Variants in SLC25A2 observed in about 807,000 individuals in gnomAD.
The protein encoded by SLC25A2 is solute carrier family 25 member 2, also known as mitochondrial ornithine transporter 2.
In SLC25A2, 6 loss-of-function variants were observed where a neutral mutation model predicts 7.4. The ratio of observed to expected loss-of-function variants is 0.82; its 90% CI spans 0.45 to 1.61. The LOEUF is 1.61. Among genes scored for constraint, SLC25A2 ranks in the 40% most tolerant of loss-of-function variants. The pLI is 0.01. For missense variants in SLC25A2, 356 were observed against 377.3 expected, an observed-to-expected ratio of 0.94 and a Z score of 0.47; for synonymous variants, 158 against 153.4, an observed-to-expected ratio of 1.03 and a Z score of -0.22.
In SLC25A2 at chr5:141,303,266, T is replaced by G. The variant is rs782459598; in HGVS notation, c.600A>C (p.Ser200=). The change falls in exon 1 of 1, where the codon TCA becomes TCC. Residue 200 remains serine (S), a synonymous_variant. Coordinates refer to ENST00000239451, the MANE Select transcript of SLC25A2 (RefSeq NM_031947.4). The part of the protein sequence containing the change: ...GYELSRSFFA[S]GRSKDELGPV... ...GGCCTAGTTCATCTTTTGATCTCCC[T>G]GACGCAAAAAACGATCGGCTCAGTT... 2.0e-5 allele frequency: 33 copies of G among 1,613,948 alleles called. No homozygotes were observed. The highest frequency in any genetic ancestry group is 2.6e-5 in the Non-Finnish European group (31 of 1,179,994).
In SLC25A2 at chr5:141,303,616, A is replaced by T. The variant is rs1391037968; in HGVS notation, c.250T>A (p.Cys84Ser). ...ACAAACTGCTGGCAGAACCCGTAGC[A>T]CATGAAGAGGACCGAGTTTTCGGCG... ...YVAENSVLFM[C>S]YGFCQQFVRK... Residue 84 changes from cysteine (C) to serine (S), a missense_variant, in exon 1 of 1, where the codon TGC becomes AGC. Transcript: ENST00000239451. The T allele has an allele frequency of 1.2e-6, 2 of 1,614,098 alleles. No homozygotes were observed. The highest frequency in any genetic ancestry group is 1.7e-6 in the Non-Finnish European group (2 of 1,180,048).
chr5:141,303,443 C>G lies in SLC25A2; in HGVS notation c.423G>C (p.Glu141Asp), dbSNP rs1588428343. 2 of 1,614,248 alleles carry G rather than the reference C, an allele frequency of 1.2e-6. No individual in the cohort carries two copies. Among genetic ancestry groups the G allele is most frequent in the Non-Finnish European group, 1.7e-6 (2 of 1,180,052 alleles). ...KCRLQTMYEM[E>D]MSGKIAKSHN... Reference sequence around the variant, plus strand: ...GGCTTTTTGCTATCTTCCCTGACATCTCCATTTCATACATGGTCTGTAGCC... The same window carrying G: ...GGCTTTTTGCTATCTTCCCTGACATGTCCATTTCATACATGGTCTGTAGCC... Residue 141 changes from glutamate (E) to aspartate (D), a missense_variant, in exon 1 of 1, where the codon GAG (glutamate) becomes GAC (aspartate). Glu to Asp is a conservative substitution (Grantham distance 45). Coordinates refer to ENST00000239451, the MANE Select transcript of SLC25A2 (RefSeq NM_031947.4).
At position 141,303,356 on chromosome 5, in the gene SLC25A2, G is replaced by GT; in HGVS notation, c.509dup (p.Tyr170Ter). Reference protein sequence around the residue: ...ILKKDGPLGFYHGLSSTLLQE... With the variant: ...ILKKDGPLGF ...GAAGTAGAGTACTCGAGAGTCCATG[G>GT]TAGAAGCCCAAGGGGCCATCCTTTT... The change falls in exon 1 of 1, where the codon TAC (tyrosine) becomes TAAC (stop). Residue 170 changes from tyrosine to a stop codon, truncating the protein, a stop_gained and frameshift_variant. Coordinates refer to ENST00000239451, the MANE Select transcript of SLC25A2 (RefSeq NM_031947.4). LOFTEE classifies it high-confidence loss of function. 6.2e-7 allele frequency: 1 copy of GT among 1,614,178 alleles called. No individual in the cohort carries two copies. Among genetic ancestry groups the GT allele is most frequent in the Admixed American group, 1.7e-5 (1 of 60,026 alleles).
chr5:141,302,943 A>G lies in SLC25A2; in HGVS notation c.*17T>C. The G allele has an allele frequency of 6.2e-7, 1 of 1,602,468 alleles. No individual in the cohort carries two copies. The highest frequency in any genetic ancestry group is 8.5e-7 in the Non-Finnish European group (1 of 1,174,348). On this transcript the variant is annotated 3_prime_UTR_variant, in exon 1 of 1. Transcript: ENST00000239451. ...TCCTCAAACTCATGGACTCGGATCC[A>G]GGTTCACCAAGACACTTCAGTATGC...
rs782111805 is a variant in SLC25A2 at position 141,303,899 on chromosome 5, G to A, written c.-34C>T. On this transcript the variant is annotated 5_prime_UTR_variant, in exon 1 of 1. Coordinates refer to ENST00000239451, the MANE Select transcript of SLC25A2 (RefSeq NM_031947.4). ...ACTCGTCTGAGGGTCCCAGTGGAAG[G>A]CGACTAACTCCCCAGAGCGTGAGAC... The A allele has an allele frequency of 1.3e-6, 2 of 1,595,818 alleles. No individual in the cohort carries two copies. Among genetic ancestry groups the A allele is most frequent in the Admixed American group, 1.7e-5 (1 of 58,324 alleles).
At position 141,303,279 on chromosome 5, in the gene SLC25A2, G is replaced by T; in HGVS notation, c.587C>A (p.Ser196Ter). 1 of 1,614,086 alleles carries T rather than the reference G, an allele frequency of 6.2e-7. No homozygotes were observed. Among genetic ancestry groups the T allele is most frequent in the Non-Finnish European group, 8.5e-7 (1 of 1,179,988 alleles). ...FFFGGYELSR[S>*]FFASGRSKDE... The stretch of plus-strand genomic sequence containing the variant: ...TTTTGATCTCCCTGACGCAAAAAAC[G>T]ATCGGCTCAGTTCATAGCCACCAAA... Residue 196 changes from serine to a stop codon, truncating the protein, a stop_gained, in exon 1 of 1, where the codon TCG (serine) becomes TAG (stop). Coordinates refer to ENST00000239451, the MANE Select transcript of SLC25A2 (RefSeq NM_031947.4). LOFTEE classifies it high-confidence loss of function.
Position 141,303,458 on chromosome 5 carries a change from G to A in SLC25A2, c.408C>T (p.Thr136=). 1 of 1,614,148 alleles carries A rather than the reference G, an allele frequency of 6.2e-7. No homozygotes were observed. Among genetic ancestry groups the A allele is most frequent in the Non-Finnish European group, 8.5e-7 (1 of 1,180,028 alleles). ...TCCCTGACATCTCCATTTCATACATGGTCTGTAGCCGGCACTTCACAAGCT... is the reference window on the plus strand; with the variant it reads ...TCCCTGACATCTCCATTTCATACATAGTCTGTAGCCGGCACTTCACAAGCT... The part of the protein sequence containing the change: ...PTELVKCRLQ[T]MYEMEMSGKI... Residue 136 remains threonine, a synonymous_variant, in exon 1 of 1, where the codon ACC becomes ACT. Transcript: ENST00000239451.
Sources: allele counts gnomAD v4.1 joint callset, GRCh38; gene constraint gnomAD v4.1.1; transcripts MANE v1.5; gene names NCBI Gene and HGNC (gene_info 2026-07-23, HGNC 2026-07-21).